The following CEP78 variants were observed in gnomAD, a reference collection of about 807,000 sequenced individuals.
CEP78 encodes the protein centrosomal protein of 78 kDa.
Under a neutral mutation model 81.2 loss-of-function variants are expected in CEP78, and 76 were observed. That is an observed-to-expected ratio of 0.94 (90% CI 0.78 to 1.13). The LOEUF (loss-of-function observed/expected upper bound fraction) is 1.13, where lower values mean the gene tolerates loss of function less well. Among genes scored for constraint, CEP78 ranks in the 50% most tolerant of loss-of-function variants. The probability of loss-of-function intolerance (pLI) is 0.00; values close to 1 mark genes in which losing one functional copy is unlikely to be tolerated. For synonymous variants in CEP78, 293 were observed against 301.4 expected, an observed-to-expected ratio of 0.97 and a Z score of 0.29; for missense variants, 918 against 846.8, an observed-to-expected ratio of 1.08 and a Z score of -1.04.
intron 16 of CEP78, 184 bp downstream of exon 16, chr9:78,266,887 CTG>C (rs367550481): frequency 7.0e-7 from 1 of 1,433,690 alleles, no homozygotes. Flanking sequence ...AGAATAGTGA[CTG>C]TTTCATCCAA....
chr9:78,241,575 A>G, intron 3 of CEP78, 121 bp from the exon 4 acceptor site: 2 of 520,346 alleles, frequency 3.8e-6, no homozygotes, highest in Admixed American at 3.6e-5. Context: ...TAGATTGTAA[A>G]TAGTGATTTT....
chr9:78,265,224 T>C (rs1306350767), intron 13 of CEP78, 148 bp from the exon 14 acceptor site: 3 of 583,662 alleles, frequency 5.1e-6, no homozygotes, highest in South Asian at 3.2e-5. Flanking sequence ...GTCTGAGAAA[T>C]TGGGAGGGAT....
In CEP78 at chr9:78,277,175, A is replaced by G. The variant is rs1827822304; in HGVS notation, c.*6324A>G. On this transcript the variant is annotated 3_prime_UTR_variant, in exon 17 of 17. Transcript: ENST00000643273. The stretch of plus-strand genomic sequence containing the variant: ...GGATGAAAAAAATCAAGATGAATTA[A>G]ACATGGAAATTAAAAATAACTAGAA... 1 of 152,190 alleles carries G rather than the reference A, an allele frequency of 6.6e-6. No individual in the cohort carries two copies. Among genetic ancestry groups the G allele is most frequent in the Admixed American group, 6.5e-5 (1 of 15,280 alleles). The allele number at this position is 152,190 out of a possible 1,614,324, so 9.4% of individuals were successfully genotyped here. A position where few individuals can be genotyped will look rare whatever the true frequency, so the allele number is the denominator to read the frequency against.
At chr9:78,244,517 C>T (rs976018795) in intron 5 of CEP78, among the ~76,000 whole-genome samples, 4 of 152,170 alleles carry the variant, frequency 2.6e-5, no homozygotes, top group African/African-American at 9.7e-5. Context: ...CACCAAATTG[C>T]CTTTCAGAAA....
chr9:78,272,864 G>A lies in CEP78; in HGVS notation c.*2013G>A, dbSNP rs1827723383. Reference sequence around the variant, plus strand: ...AGTGTCCAAGGAAAGACAGTATGATGCAGCATATATTGTGACTTAAAGCTT... The same window carrying A: ...AGTGTCCAAGGAAAGACAGTATGATACAGCATATATTGTGACTTAAAGCTT... On this transcript the variant is annotated 3_prime_UTR_variant, in exon 17 of 17. Coordinates refer to ENST00000643273, the MANE Select transcript of CEP78 (RefSeq NM_001330691.3). The A allele has an allele frequency of 6.6e-6, 1 of 152,198 alleles. No homozygotes were observed. Among genetic ancestry groups the A allele is most frequent in the Admixed American group, 6.5e-5 (1 of 15,278 alleles). 9.4% of individuals were successfully genotyped at this position (152,198 alleles called of 1,614,324 possible).
chr9:78,239,002 A>G (rs1351492054), intron 1 of CEP78, among the ~76,000 whole-genome samples: 1 of 151,916 alleles, frequency 6.6e-6, no homozygotes, highest in Non-Finnish European at 1.5e-5. Flanking sequence ...CCCTCCCCCT[A>G]CAAAAAATAA....
At chr9:78,248,221 T>C in intron 6 of CEP78, 70 bp from the exon 7 acceptor site, 1 of 802,056 alleles carries the variant, frequency 1.2e-6, no homozygotes, top group Non-Finnish European at 2.1e-6. Context: ...TGGTTGGCTT[T>C]TGTTTTTAAA....
At chr9:78,250,039 A>C (rs984389367) in intron 8 of CEP78, 8 of 365,822 alleles carry the variant, frequency 2.2e-5, no homozygotes, top group Admixed American at 1.8e-4. Context: ...GATATAAAAC[A>C]ATTTAACATA....
intron 16 of CEP78, chr9:78,267,113 G>C: frequency 1.0e-6 from 1 of 1,003,124 alleles, no homozygotes; most frequent in South Asian, 1.4e-5. Flanking sequence ...AGCCACTAAA[G>C]GAAGATTTCT....
At chr9:78,239,906 G>T in intron 1 of CEP78, 117 bp from the exon 2 acceptor site, 1 of 802,050 alleles carries the variant, frequency 1.2e-6, no homozygotes, top group East Asian at 2.8e-5. Context: ...ACATGTGTCT[G>T]TGCTTAAGAG....
In CEP78 at chr9:78,271,553, A is replaced by G. The variant is rs1827688797; in HGVS notation, c.*702A>G. The G allele has an allele frequency of 6.6e-6, 1 of 152,234 alleles. No homozygotes were observed. Among genetic ancestry groups the G allele is most frequent in the African/African-American group, 2.4e-5 (1 of 41,474 alleles). 9.4% of individuals were successfully genotyped at this position (152,234 alleles called of 1,614,324 possible). ...CTCAGAAGATGGACTACACAGCAGA[A>G]TGGATTCATTTGAAGCTTAAATTCA... On this transcript the variant is annotated 3_prime_UTR_variant, in exon 17 of 17. Transcript: ENST00000643273.
In CEP78 at chr9:78,276,602, C is replaced by T. The variant is rs1391704889; in HGVS notation, c.*5751C>T. On this transcript the variant is annotated 3_prime_UTR_variant, in exon 17 of 17. Transcript: ENST00000643273. ...GAGGCTGTGCACAACACCAACACAC[C>T]GGTATGAAAAGTGTGTACACCAGCA... 2 of 150,288 alleles carry T rather than the reference C, an allele frequency of 1.3e-5. No homozygotes were observed. Among genetic ancestry groups the T allele is most frequent in the Admixed American group, 6.6e-5 (1 of 15,090 alleles). 9.3% of individuals were successfully genotyped at this position (150,288 alleles called of 1,614,324 possible). A position where few individuals can be genotyped will look rare whatever the true frequency, so the allele number is the denominator to read the frequency against.
chr9:78,263,935 A>G, intron 12 of CEP78: 1 of 289,496 alleles, frequency 3.5e-6, no homozygotes, highest in Non-Finnish European at 6.3e-6. Flanking sequence ...TTGAAAGATA[A>G]TTAATGAAAT....
intron 12 of CEP78, 25 bp from the exon 13 acceptor site, chr9:78,264,125 A>G: frequency 2.2e-6 from 3 of 1,395,006 alleles, no homozygotes; most frequent in Non-Finnish European, 2.8e-6. Context: ...AAATCATGTC[A>G]CACATTTTCA....
chr9:78,270,555 AGAT>A (rs1827668868), intron 16 of CEP78, among the ~76,000 whole-genome samples: 1 of 152,228 alleles, frequency 6.6e-6, no homozygotes, highest in African/African-American at 2.4e-5. Context: ...GAAAACATTC[AGAT>A]GTGATACTGT....
At chr9:78,246,866 ATG>A (rs572291046) in intron 6 of CEP78, 84 bp downstream of exon 6, 6 of 710,208 alleles carry the variant, frequency 8.4e-6, no homozygotes, top group Non-Finnish European at 1.4e-5. Context: ...TGAAAACTTA[ATG>A]TGTTTCCTTC....
At position 78,253,227 on chromosome 9, in the gene CEP78, T is replaced by C. The variant is rs1212548452; in HGVS notation, c.1206-5T>C. On this transcript the variant is annotated splice_polypyrimidine_tract_variant and splice_region_variant and intron_variant, in intron 9 of 16. Coordinates refer to ENST00000643273, the MANE Select transcript of CEP78 (RefSeq NM_001330691.3). The stretch of plus-strand genomic sequence containing the variant: ...ATATAACTTAATTTATCGATATCTT[T>C]TTAGGGGTTTCCCATTAATCAAAAC... The C allele has an allele frequency of 1.8e-5, 23 of 1,264,808 alleles. No individual in the cohort carries two copies. Among genetic ancestry groups the C allele is most frequent in the Non-Finnish European group, 2.5e-5 (22 of 878,394 alleles). The allele number at this position is 1,264,808 out of a possible 1,614,324, so 78.3% of individuals were successfully genotyped here.
rs1185673376 is a variant in CEP78, at chr9:78,236,343, C to T, written c.-8C>T. 2 of 1,561,406 alleles carry T rather than the reference C, an allele frequency of 1.3e-6. No individual in the cohort carries two copies. Among genetic ancestry groups the T allele is most frequent in the Admixed American group, 1.8e-5 (1 of 54,080 alleles). Reference sequence around the variant, plus strand: ...GCGGCGGGCATCCCCCGAGGCCGCCCTCGGGCCATGATCGACTCCGTGAAG... The same window carrying T: ...GCGGCGGGCATCCCCCGAGGCCGCCTTCGGGCCATGATCGACTCCGTGAAG... On this transcript the variant is annotated 5_prime_UTR_variant, in exon 1 of 17. Coordinates refer to ENST00000643273, the MANE Select transcript of CEP78 (RefSeq NM_001330691.3).
intron 1 of CEP78, among the ~76,000 whole-genome samples, chr9:78,238,648 C>T (rs773489534): frequency 3.3e-5 from 5 of 152,182 alleles, no homozygotes; most frequent in Non-Finnish European, 7.4e-5. Context: ...ATCTCTTCTG[C>T]AAGGACAGTT....
Sources: gnomAD v4.1 joint callset for allele counts (sites outside exome capture counted in the v4.1 genomes callset) on GRCh38, gnomAD v4.1.1 for gene constraint, MANE v1.5 for transcripts, NCBI Gene and HGNC (gene_info 2026-07-23, HGNC 2026-07-21) for gene names.